CHCHD3: variants seen among roughly 807,000 people sequenced by gnomAD.
The protein encoded by CHCHD3 is coiled-coil-helix-coiled-coil-helix domain containing 3, also known as MICOS complex subunit MIC19.
A neutral mutation model predicts 38.2 loss-of-function variants in CHCHD3; 20 were observed. The observed-to-expected ratio is 0.52, with a 90% CI of 0.37 to 0.76. The LOEUF is 0.76. CHCHD3 is among the 30% of genes least tolerant of loss of function. The pLI, the probability that CHCHD3 is intolerant of heterozygous loss-of-function variation, is 0.00. For synonymous variants in CHCHD3, 82 were observed against 100.0 expected (o/e 0.82, Z 1.07); for missense variants, 245 against 279.2 (o/e 0.88, Z 0.87).
At position 133,023,868 on chromosome 7, in the gene CHCHD3, G is replaced by A. The variant is rs114297782; in HGVS notation, c.251+678C>T. ...GCATGTACCATAATTAATTCAGCCAGTCCTCGAGGATGGTCGGTTTGGATT... is the reference window on the plus strand; with the variant it reads ...GCATGTACCATAATTAATTCAGCCAATCCTCGAGGATGGTCGGTTTGGATT... On this transcript the variant is annotated intron_variant, in intron 3 of 7. Transcript: ENST00000262570. 9.2e-3 allele frequency among the ~76,000 whole-genome samples: 1,402 copies of A among 152,220 alleles called. 23 individuals carry two copies. The highest frequency in any genetic ancestry group is 0.032 in the African/African-American group (1,321 of 41,520).
At chr7:132,910,085 G>A (rs533774219) in intron 4 of CHCHD3, among the ~76,000 whole-genome samples, 1 of 152,248 alleles carries the variant, frequency 6.6e-6, no homozygotes, top group South Asian at 2.1e-4. Flanking sequence ...GTAGTCACAG[G>A]ATACAAAACC....
At chr7:133,005,995 T>A (rs981234309) in intron 3 of CHCHD3, among the ~76,000 whole-genome samples, 27 of 152,234 alleles carry the variant, frequency 1.8e-4, no homozygotes, top group African/African-American at 6.5e-4. Flanking sequence ...TAGGTCTCAG[T>A]GACAGGATTT....
At chr7:132,941,778 G>A (rs1468497613) in intron 4 of CHCHD3, among the ~76,000 whole-genome samples, 1 of 152,118 alleles carries the variant, frequency 6.6e-6, no homozygotes, top group Admixed American at 6.5e-5. Context: ...AGGACGGGAT[G>A]GGAGATCAAC....
chr7:132,971,481 T>C (rs930017415), intron 4 of CHCHD3, among the ~76,000 whole-genome samples: 1 of 152,152 alleles, frequency 6.6e-6, no homozygotes, highest in Admixed American at 6.5e-5. Flanking sequence ...TTTTAAAACT[T>C]CAACAACAGG....
At chr7:132,998,294 A>AT (rs1322450004) in intron 3 of CHCHD3, among the ~76,000 whole-genome samples, 1 of 152,228 alleles carries the variant, frequency 6.6e-6, no homozygotes, top group African/African-American at 2.4e-5. Flanking sequence ...GTTCCTGAAT[A>AT]TAAGTTTTAA....
intron 5 of CHCHD3, among the ~76,000 whole-genome samples, chr7:132,881,702 G>A (rs2117168203): frequency 6.6e-6 from 1 of 152,244 alleles, no homozygotes; most frequent in Non-Finnish European, 1.5e-5. Context: ...AGATGATTCT[G>A]CAAATTATAT....
At chr7:132,798,113 C>T (rs1327318186) in intron 6 of CHCHD3, among the ~76,000 whole-genome samples, 1 of 152,040 alleles carries the variant, frequency 6.6e-6, no homozygotes, top group Non-Finnish European at 1.5e-5. Context: ...TATTTTTATC[C>T]AGTACACTAA....
chr7:132,911,889 A>G (rs1002849945), intron 4 of CHCHD3, among the ~76,000 whole-genome samples: 1 of 152,190 alleles, frequency 6.6e-6, no homozygotes, highest in African/African-American at 2.4e-5. Context: ...TACACATGCA[A>G]TGTAGGTTAA....
intron 4 of CHCHD3, among the ~76,000 whole-genome samples, chr7:132,894,371 C>T (rs574046111): frequency 4.5e-4 from 68 of 152,244 alleles, no homozygotes; most frequent in East Asian, 4.2e-3. Context: ...GTTGACTCTT[C>T]GGAATCACCA....
chr7:133,052,796 C>T (rs1404932386), intron 2 of CHCHD3, among the ~76,000 whole-genome samples: 1 of 152,162 alleles, frequency 6.6e-6, no homozygotes, highest in Admixed American at 6.5e-5. Flanking sequence ...AGAAAGGAGC[C>T]AACCTTGACC....
chr7:132,952,613 T>C (rs376033242), intron 4 of CHCHD3, among the ~76,000 whole-genome samples: 2 of 152,230 alleles, frequency 1.3e-5, no homozygotes, highest in East Asian at 3.8e-4. Context: ...AGATGAGCAG[T>C]TCACTTTCAT....
At chr7:133,079,374 A>T (rs1183548604) in intron 1 of CHCHD3, among the ~76,000 whole-genome samples, 1 of 152,240 alleles carries the variant, frequency 6.6e-6, no homozygotes, top group African/African-American at 2.4e-5. Context: ...CCAGAGCGAC[A>T]CCGCTAGTGA....
rs1174093059 is a variant in CHCHD3 at position 133,035,209 on chromosome 7, G to A, written c.170-10582C>T. On this transcript the variant is annotated intron_variant, in intron 2 of 7. Transcript: ENST00000262570. The surrounding 1 kb of genome is among the most constrained non-coding windows in gnomAD (Gnocchi z 4.7). ...GCCTGGGGCTTCTGCTTCTCTTCCC[G>A]TGAACCCTTCTCTTTCCGTGGTGTG... 1.9e-5 allele frequency: 31 copies of A among 1,613,478 alleles called. No homozygotes were observed. The highest frequency in any genetic ancestry group is 2.2e-5 in the Non-Finnish European group (26 of 1,179,700).
intron 4 of CHCHD3, among the ~76,000 whole-genome samples, chr7:132,958,270 A>G (rs565765726): frequency 1.1e-4 from 17 of 152,324 alleles, no homozygotes; most frequent in Admixed American, 3.3e-4. Flanking sequence ...CTTTCTTTCT[A>G]TACATGTATT....
chr7:132,812,210 T>TC lies in CHCHD3; in HGVS notation c.525-15634_525-15633insG, dbSNP rs1563242711. Among the ~76,000 whole-genome samples, 188 of 136,204 alleles carry TC rather than the reference T, an allele frequency of 1.4e-3. 1 individual carries two copies. The highest frequency in any genetic ancestry group is 5.0e-3 in the African/African-American group (180 of 36,168). 89.4% of individuals were successfully genotyped at this position (136,204 alleles called of 152,430 possible). A position where few individuals can be genotyped will look rare whatever the true frequency, so the allele number is the denominator to read the frequency against. ...TCCTTTTTTTCTTTTCTTTTTTTTT[T>TC]TTTTTTTTTTTTTTTTTTGAGATGG... On this transcript the variant is annotated intron_variant, in intron 6 of 7. Transcript: ENST00000262570.
chr7:132,808,310 T>G (rs959698513), intron 6 of CHCHD3, among the ~76,000 whole-genome samples: 2 of 152,294 alleles, frequency 1.3e-5, no homozygotes, highest in African/African-American at 4.8e-5. Flanking sequence ...TTAATTGCTC[T>G]CTCCCCACCT....
At chr7:133,034,791 A>G in intron 2 of CHCHD3, 1 of 1,612,996 alleles carries the variant, frequency 6.2e-7, no homozygotes, top group African/African-American at 1.3e-5. Flanking sequence ...CTGGCCTCGG[A>G]AGACCCAGAC....
intron 6 of CHCHD3, among the ~76,000 whole-genome samples, chr7:132,797,676 T>G (rs1230131440): frequency 1.3e-5 from 2 of 152,244 alleles, no homozygotes; most frequent in Non-Finnish European, 2.9e-5. Context: ...TTGCTACTTA[T>G]ACTTACAAAT....
chr7:132,842,392 C>G (rs527983426), intron 5 of CHCHD3, among the ~76,000 whole-genome samples: 1 of 152,242 alleles, frequency 6.6e-6, no homozygotes, highest in African/African-American at 2.4e-5. Context: ...TATCCTTCAC[C>G]TAGGTTCCCC....
Sources: gnomAD v4.1 joint callset for allele counts (sites outside exome capture counted in the v4.1 genomes callset) on GRCh38, gnomAD v4.1.1 for gene constraint, Gnocchi (gnomAD v3.1) non-coding constraint, MANE v1.5 for transcripts, NCBI Gene and HGNC (gene_info 2026-07-23, HGNC 2026-07-21) for gene names.